TG: variants seen among roughly 807,000 people sequenced by gnomAD.
TG encodes the protein thyroid hormones.
TG carries 270 observed loss-of-function variants against 324.7 expected under a neutral mutation model. That is an observed-to-expected ratio of 0.83 (90% confidence interval 0.75 to 0.92). The LOEUF is 0.92. Ranked by LOEUF, TG falls within the 40% of genes least tolerant of loss-of-function variation. TG has a pLI of 0.00. For synonymous variants in TG, 1,401 were observed against 1,327.0 expected, an observed-to-expected ratio of 1.06 and a Z score of -1.21; for missense variants, 3,591 against 3,456.4, an observed-to-expected ratio of 1.04 and a Z score of -0.98.
At chr8:133,017,743 C>T in intron 37 of TG, 35 bp from the exon 38 acceptor site, 1 of 1,599,294 alleles carries the variant, frequency 6.3e-7, no homozygotes, top group South Asian at 1.1e-5. Flanking sequence ...AGGCCTCTCC[C>T]CTTCCTCACC....
At chr8:132,956,449 G>A (rs1421673050) in intron 27 of TG, among the ~76,000 whole-genome samples, 1 of 151,868 alleles carries the variant, frequency 6.6e-6, no homozygotes, top group African/African-American at 2.4e-5. Flanking sequence ...TCAGAGGACG[G>A]GGGTGTGTGA....
chr8:132,911,840 G>A (rs1463228184), intron 19 of TG, among the ~76,000 whole-genome samples: 5 of 152,232 alleles, frequency 3.3e-5, no homozygotes, highest in African/African-American at 1.2e-4. Context: ...GGCTGGGGAA[G>A]TCTTTATTGG....
intron 8 of TG, among the ~76,000 whole-genome samples, chr8:132,886,019 C>T (rs1815365907): frequency 6.6e-6 from 1 of 152,208 alleles, no homozygotes; most frequent in South Asian, 2.1e-4. Context: ...TCCAGTATGA[C>T]ATCATCTTAA....
intron 43 of TG, among the ~76,000 whole-genome samples, chr8:133,097,159 G>T (rs1433025370): frequency 6.6e-6 from 1 of 152,166 alleles, no homozygotes; most frequent in Admixed American, 6.5e-5. Flanking sequence ...GCATGACATG[G>T]GTCTCTGTTG....
intron 43 of TG, among the ~76,000 whole-genome samples, chr8:133,112,928 C>T (rs766629218): frequency 2.0e-5 from 3 of 152,118 alleles, no homozygotes; most frequent in East Asian, 1.9e-4. Context: ...CCTGGTGAAG[C>T]GTAACTATCT....
intron 43 of TG, among the ~76,000 whole-genome samples, chr8:133,104,403 G>A (rs748730525): frequency 1.1e-4 from 16 of 152,226 alleles, no homozygotes; most frequent in Non-Finnish European, 2.1e-4. Flanking sequence ...AGGAAGTAGA[G>A]ATCAGATTGG....
At chr8:133,089,447 C>T (rs1847149153) in intron 41 of TG, among the ~76,000 whole-genome samples, 1 of 152,166 alleles carries the variant, frequency 6.6e-6, no homozygotes, top group Admixed American at 6.5e-5. Flanking sequence ...TTCCCAAGCC[C>T]TTTCTGTAAT....
intron 21 of TG, 34 bp downstream of exon 21, chr8:132,919,559 G>T (rs375402304): frequency 1.9e-6 from 3 of 1,611,962 alleles, no homozygotes; most frequent in Non-Finnish European, 2.5e-6. Flanking sequence ...TGAAAGAAAA[G>T]CCCTGCAATG....
chr8:132,910,113 C>T (rs1205087546), intron 18 of TG, among the ~76,000 whole-genome samples: 1 of 152,186 alleles, frequency 6.6e-6, no homozygotes, highest in Non-Finnish European at 1.5e-5. Flanking sequence ...TATATGAACA[C>T]TCACATCCAC....
intron 45 of TG, among the ~76,000 whole-genome samples, chr8:133,118,950 G>A (rs1288917096): frequency 2.6e-5 from 4 of 152,166 alleles, no homozygotes; most frequent in Non-Finnish European, 4.4e-5. Flanking sequence ...AGAGGGAGAA[G>A]TGCTGTCTAC....
intron 41 of TG, chr8:133,039,932 A>G: frequency 6.6e-7 from 1 of 1,520,970 alleles, no homozygotes; most frequent in South Asian, 1.2e-5. Context: ...TTGTGCTCAC[A>G]TGTTCACAGA....
chr8:132,898,158 C>G lies in TG; in HGVS notation c.3140-11C>G. 6.3e-7 allele frequency: 1 copy of G among 1,594,634 alleles called. No individual in the cohort carries two copies. Among genetic ancestry groups the G allele is most frequent in the Non-Finnish European group, 8.6e-7 (1 of 1,169,328 alleles). On this transcript the variant is annotated splice_polypyrimidine_tract_variant and intron_variant, in intron 12 of 47. Coordinates refer to ENST00000220616, the MANE Select transcript of TG (RefSeq NM_003235.5). ...CAATTCCTGAATGTTCTCCCCTTGG[C>G]TCTTTTCCAGGGCACTGCTGGTGTG...
At position 132,948,854 on chromosome 8, in the gene TG, C is replaced by G. The variant is rs758959438; in HGVS notation, c.5312C>G (p.Ala1771Gly). The G allele has an allele frequency of 2.5e-6, 4 of 1,614,102 alleles. No homozygotes were observed. The South Asian group carries it at 3.3e-5, about 13-fold the overall frequency. The change falls in exon 27 of 48, where the codon GCC becomes GGC. Residue 1771 changes from alanine to glycine, a missense_variant. By Grantham distance (60) the Ala-to-Gly change is moderately conservative. Coordinates refer to ENST00000220616, the MANE Select transcript of TG (RefSeq NM_003235.5). ...AAAGACTGGATGGATCCCTCTGAAGCCTGGGCTAATGCTACATGTCCTGGT... is the reference window on the plus strand; with the variant it reads ...AAAGACTGGATGGATCCCTCTGAAGGCTGGGCTAATGCTACATGTCCTGGT... ...NVKDWMDPSE[A>G]WANATCPGVT...
At chr8:133,018,406 G>A (rs984899915) in intron 38 of TG, among the ~76,000 whole-genome samples, 21 of 152,124 alleles carry the variant, frequency 1.4e-4, no homozygotes, top group Non-Finnish European at 2.2e-4. Flanking sequence ...CACTGGCACC[G>A]CTATTGCAGT....
rs776736221 is a variant in TG at position 133,011,896 on chromosome 8, C to T, written c.6263-5C>T. 8 of 1,614,194 alleles carry T rather than the reference C, an allele frequency of 5.0e-6. No individual in the cohort carries two copies. In the Admixed American group the frequency reaches 1.3e-4, roughly 27 times the overall value. On this transcript the variant is annotated splice_region_variant and splice_polypyrimidine_tract_variant and intron_variant, in intron 35 of 47. Transcript: ENST00000220616. ...CATGTGACTGTCCGTTGCCTTCTCT[C>T]CTAGTGTCTCTGGACTCGTGGCAGT...
intron 17 of TG, among the ~76,000 whole-genome samples, chr8:132,907,393 T>C (rs1321621579): frequency 1.3e-5 from 2 of 152,178 alleles, no homozygotes; most frequent in African/African-American, 4.8e-5. Flanking sequence ...TCAGTCCTGA[T>C]TGCTGGAACT....
rs78127848 is a variant in TG, at chr8:132,931,897, G to A, written c.4817-1664G>A. On this transcript the variant is annotated intron_variant, in intron 23 of 47. Transcript: ENST00000220616. ...GATGGAGACCAGCCTGGGCAATGTG[G>A]TGAAACTGCATCTCTACAAAAAAAT... 8.0e-3 allele frequency among the ~76,000 whole-genome samples: 1,214 copies of A among 152,178 alleles called. 13 individuals are homozygous for A. The highest frequency in any genetic ancestry group is 0.021 in the African/African-American group (857 of 41,504).
intron 44 of TG, among the ~76,000 whole-genome samples, chr8:133,115,479 G>A (rs1276368800): frequency 6.6e-6 from 1 of 152,160 alleles, no homozygotes; most frequent in African/African-American, 2.4e-5. Flanking sequence ...CCCAACTTCA[G>A]AGCCTCACCT....
At chr8:133,092,975 A>G (rs1420480462) in intron 41 of TG, among the ~76,000 whole-genome samples, 1 of 152,154 alleles carries the variant, frequency 6.6e-6, no homozygotes, top group Non-Finnish European at 1.5e-5. Context: ...CTGGCTTTTT[A>G]TAGCCGAAGG....
Sources: gnomAD v4.1 joint callset for allele counts (sites outside exome capture counted in the v4.1 genomes callset) on GRCh38, gnomAD v4.1.1 for gene constraint, MANE v1.5 for transcripts, NCBI Gene and HGNC (gene_info 2026-07-23, HGNC 2026-07-21) for gene names.